Variants in CAPS2 observed in about 807,000 individuals in gnomAD.
CAPS2 encodes the protein calcyphosin-2.
In CAPS2, 98 loss-of-function variants were observed where a neutral mutation model predicts 86.5. That is an observed-to-expected ratio of 1.13 (90% CI 0.96 to 1.34). The LOEUF (loss-of-function observed/expected upper bound fraction) is 1.34, where lower values mean the gene tolerates loss of function less well. Among genes scored for constraint, CAPS2 ranks in the 40% most tolerant of loss-of-function variants. CAPS2 has a pLI of 0.00. For synonymous variants in CAPS2, 210 were observed against 225.1 expected, an observed-to-expected ratio of 0.93 and a Z score of 0.60; for missense variants, 729 against 686.8, an observed-to-expected ratio of 1.06 and a Z score of -0.69.
chr12:75,313,277 C>T (rs1448480766), intron 6 of CAPS2, among the ~76,000 whole-genome samples: 1 of 152,150 alleles, frequency 6.6e-6, no homozygotes, highest in Non-Finnish European at 1.5e-5. Context: ...GCATCTTAAC[C>T]TGCTCCAAGA....
At chr12:75,300,412 C>T (rs779240375) in intron 8 of CAPS2, among the ~76,000 whole-genome samples, 5 of 151,678 alleles carry the variant, frequency 3.3e-5, no homozygotes, top group African/African-American at 4.8e-5. Flanking sequence ...AAAAATTAGC[C>T]GGGCGTGGTG....
At chr12:75,334,797 C>G, upstream of CAPS2, 1 of 1,614,096 alleles carries the variant, frequency 6.2e-7, no homozygotes, top group Middle Eastern at 1.6e-4. Flanking sequence ...CTACATCTTC[C>G]AAAATCCCAT....
At chr12:75,312,849 T>G in exon 7 of CAPS2, 1 of 1,553,902 alleles carries the variant, frequency 6.4e-7, no homozygotes, top group Non-Finnish European at 8.9e-7. Flanking sequence ...AATTCTCACC[T>G]AGATAAGTGG....
chr12:75,290,404 C>A (rs1023392957), intron 13 of CAPS2, among the ~76,000 whole-genome samples: 2 of 152,044 alleles, frequency 1.3e-5, no homozygotes, highest in Non-Finnish European at 2.9e-5. Context: ...AGATTGGTAA[C>A]TTTACTAAAG....
chr12:75,366,831 A>G lies in CAPS2; in HGVS notation c.-395+24007T>C. 4.3e-6 allele frequency: 3 copies of G among 699,524 alleles called. No individual in the cohort carries two copies. The East Asian group carries it at 8.1e-5, about 19-fold the overall frequency. 43.3% of individuals were successfully genotyped at this position (699,524 alleles called of 1,614,324 possible). A position where few individuals can be genotyped will look rare whatever the true frequency, so the allele number is the denominator to read the frequency against. On this transcript the variant is annotated intron_variant, in intron 1 of 5. Transcript: ENST00000551829. ...CTGAGAGGGCTAAAAATGCCAAGTG[A>G]ACAGCTCTATATGCATTTCTTGAAT...
chr12:75,328,874 T>A (rs2041032841), upstream of CAPS2, among the ~76,000 whole-genome samples: 1 of 152,176 alleles, frequency 6.6e-6, no homozygotes, highest in Non-Finnish European at 1.5e-5. Context: ...AGTGGTTAAC[T>A]TAGATATAGT....
At chr12:75,294,149 T>G (rs2036488373) in intron 11 of CAPS2, among the ~76,000 whole-genome samples, 1 of 152,096 alleles carries the variant, frequency 6.6e-6, no homozygotes, top group African/African-American at 2.4e-5. Context: ...TTTCACCATG[T>G]TGGTCAGGCT....
intron 4 of CAPS2, 43 bp from the exon 5 acceptor site, chr12:75,321,619 T>C: frequency 7.2e-7 from 1 of 1,388,588 alleles, no homozygotes; most frequent in South Asian, 1.3e-5. Context: ...AAAAAAAAAG[T>C]ATTAATTTTC....
chr12:75,346,967 A>G (rs903879460), intron 1 of CAPS2, among the ~76,000 whole-genome samples: 1 of 151,740 alleles, frequency 6.6e-6, no homozygotes, highest in African/African-American at 2.4e-5. Flanking sequence ...TTATTCTATC[A>G]TTGTCACAAA....
At chr12:75,355,623 G>A (rs183362138) in intron 1 of CAPS2, among the ~76,000 whole-genome samples, 220 of 152,142 alleles carry the variant, frequency 1.4e-3, no homozygotes, top group Admixed American at 3.3e-3. Context: ...CAATCCCATC[G>A]CTAGGTATAT....
intron 1 of CAPS2, among the ~76,000 whole-genome samples, chr12:75,349,773 C>T (rs2042681837): frequency 6.6e-6 from 1 of 151,912 alleles, no homozygotes; most frequent in Non-Finnish European, 1.5e-5. Context: ...TTCAAGACTG[C>T]AGTGAGCCAT....
At chr12:75,314,045 G>A (rs962219389) in intron 6 of CAPS2, among the ~76,000 whole-genome samples, 5 of 151,980 alleles carry the variant, frequency 3.3e-5, no homozygotes, top group South Asian at 4.1e-4. Context: ...TCAACTTCCC[G>A]AGTAACTGGG....
At chr12:75,384,047 G>T (rs1237684831) in intron 1 of CAPS2, among the ~76,000 whole-genome samples, 1 of 151,944 alleles carries the variant, frequency 6.6e-6, no homozygotes, top group Non-Finnish European at 1.5e-5. Context: ...TTGTAGCATT[G>T]AATAAATATA....
At chr12:75,341,782 C>G (rs572464426) in intron 1 of CAPS2, among the ~76,000 whole-genome samples, 3 of 117,282 alleles carry the variant, frequency 2.6e-5, no homozygotes, top group Admixed American at 1.0e-4. Context: ...GAGATGGAGT[C>G]TCTGTCACCC....
At chr12:75,291,302 G>A (rs2035811128) in intron 13 of CAPS2, among the ~76,000 whole-genome samples, 1 of 150,754 alleles carries the variant, frequency 6.6e-6, no homozygotes, top group African/African-American at 2.4e-5. Flanking sequence ...ATGTTATCTA[G>A]TACATAAGAC....
At chr12:75,328,220 G>A (rs992020115), upstream of CAPS2, among the ~76,000 whole-genome samples, 6 of 152,036 alleles carry the variant, frequency 3.9e-5, no homozygotes, top group African/African-American at 9.7e-5. Context: ...TATTGTATTC[G>A]CGATGATGAT....
chr12:75,383,608 A>G (rs2045121456), intron 1 of CAPS2, among the ~76,000 whole-genome samples: 1 of 152,200 alleles, frequency 6.6e-6, no homozygotes, highest in Non-Finnish European at 1.5e-5. Context: ...AAACACCTCT[A>G]TCTGAAATGT....
intron 1 of CAPS2, among the ~76,000 whole-genome samples, chr12:75,384,649 C>T (rs1435826449): frequency 6.6e-6 from 1 of 152,156 alleles, no homozygotes; most frequent in Non-Finnish European, 1.5e-5. Context: ...TTAACTCATT[C>T]TATGAGGCCA....
At chr12:75,354,603 A>G (rs1051085195) in intron 1 of CAPS2, among the ~76,000 whole-genome samples, 1 of 152,194 alleles carries the variant, frequency 6.6e-6, no homozygotes, top group South Asian at 2.1e-4. Context: ...ACTCATTGAC[A>G]TTCTTCACAG....
Sources: allele counts gnomAD v4.1 joint callset (sites outside exome capture counted in the v4.1 genomes callset), GRCh38; gene constraint gnomAD v4.1.1; transcripts MANE v1.5; gene names NCBI Gene and HGNC (gene_info 2026-07-23, HGNC 2026-07-21).